Variants in ASAP2 observed in about 807,000 individuals in gnomAD.
ASAP2 encodes the protein arf-GAP with SH3 domain, ANK repeat and PH domain-containing protein 2.
In ASAP2, 45 loss-of-function variants were observed where a neutral mutation model predicts 131.4. The observed-to-expected ratio is 0.34, with a 90% CI of 0.27 to 0.44. The LOEUF is 0.44. Ranked by LOEUF, ASAP2 falls within the 20% of genes least tolerant of loss-of-function variation. The probability of loss-of-function intolerance (pLI) is 1.00; values close to 1 mark genes in which losing one functional copy is unlikely to be tolerated. For synonymous variants in ASAP2, 510 were observed against 503.0 expected, an observed-to-expected ratio of 1.01 and a Z score of -0.19; for missense variants, 1,011 against 1,297.0, an observed-to-expected ratio of 0.78 and a Z score of 3.39.
chr2:9,262,116 T>C (rs192419032), intron 1 of ASAP2, among the ~76,000 whole-genome samples: 1 of 152,288 alleles, frequency 6.6e-6, no homozygotes, highest in Admixed American at 6.5e-5. Context: ...CCTCAGTAGC[T>C]GGGAATGATA....
At chr2:9,298,714 G>A (rs149556484) in intron 3 of ASAP2, among the ~76,000 whole-genome samples, 13 of 152,294 alleles carry the variant, frequency 8.5e-5, no homozygotes, top group African/African-American at 1.9e-4. Context: ...GTAAAGATCC[G>A]TAGATGCTGC....
intron 1 of ASAP2, among the ~76,000 whole-genome samples, chr2:9,273,558 A>G (rs1271102810): frequency 1.3e-5 from 2 of 152,254 alleles, no homozygotes; most frequent in Non-Finnish European, 2.9e-5. Flanking sequence ...TTTTATTATT[A>G]TTCGAATCAG....
At chr2:9,336,734 A>G (rs1671229678) in intron 9 of ASAP2, among the ~76,000 whole-genome samples, 1 of 152,210 alleles carries the variant, frequency 6.6e-6, no homozygotes, top group Non-Finnish European at 1.5e-5. Flanking sequence ...TAAGCAAAAA[A>G]AGGAAAAAAA....
intron 4 of ASAP2, among the ~76,000 whole-genome samples, chr2:9,318,818 T>C (rs189814115): frequency 1.3e-5 from 2 of 152,278 alleles, no homozygotes; most frequent in South Asian, 2.1e-4. Context: ...ACAACAAAGT[T>C]GGTGAGGGGA....
intron 7 of ASAP2, among the ~76,000 whole-genome samples, chr2:9,330,044 C>T (rs896692300): frequency 1.3e-5 from 2 of 152,212 alleles, no homozygotes; most frequent in Non-Finnish European, 2.9e-5. Flanking sequence ...TTTATATCTA[C>T]AGTGTGTGGC....
chr2:9,358,759 C>T lies in ASAP2; in HGVS notation c.1331C>T (p.Pro444Leu). ...TCTGCCCTGTTCTCTTTGGCAGATC[C>T]TACATGGCTTTCCACCAACCTGGGC... The part of the protein sequence containing the change: ...DVCCDCGAPD[P>L]TWLSTNLGIL... Residue 444 changes from proline (P) to leucine (L), a missense_variant, in exon 15 of 28, where the codon CCT (proline) becomes CTT (leucine). Physicochemically the swap from Pro to Leu is moderately conservative, Grantham distance 98 (BLOSUM62 -3). This residue lies in a region of ASAP2 where 359 missense variants were observed against 598.1 expected (regional missense o/e 0.60). Coordinates refer to ENST00000281419, the MANE Select transcript of ASAP2 (RefSeq NM_003887.3). 2.5e-6 allele frequency: 4 copies of T among 1,612,740 alleles called. No homozygotes were observed. Among genetic ancestry groups the T allele is most frequent in the Non-Finnish European group, 3.4e-6 (4 of 1,179,688 alleles).
intron 1 of ASAP2, among the ~76,000 whole-genome samples, chr2:9,259,695 T>C (rs931465751): frequency 2.0e-5 from 3 of 152,190 alleles, no homozygotes; most frequent in African/African-American, 7.2e-5. Flanking sequence ...CACCAGTGGG[T>C]GGACTGCTTT....
At position 9,400,003 on chromosome 2, in the gene ASAP2, C is replaced by A. The variant is rs775772659; in HGVS notation, c.2685-20C>A. The A allele has an allele frequency of 2.5e-5, 41 of 1,612,640 alleles. No individual in the cohort carries two copies. The highest frequency in any genetic ancestry group is 2.4e-5 in the Non-Finnish European group (28 of 1,179,220). On this transcript the variant is annotated intron_variant, in intron 24 of 27. Coordinates refer to ENST00000281419, the MANE Select transcript of ASAP2 (RefSeq NM_003887.3). The stretch of plus-strand genomic sequence containing the variant: ...GTGCCCTCCGGTAGCAGTAAATCTA[C>A]TTTTTCCCTGTCTTTGTAGGGCTGA...
At chr2:9,317,744 ACTCACACT>A (rs1044022036) in intron 3 of ASAP2, among the ~76,000 whole-genome samples, 10 of 150,270 alleles carry the variant, frequency 6.7e-5, no homozygotes, top group African/African-American at 2.5e-4. Context: ...TCACATCCAC[ACTCACACT>A]CACATCCGTA....
intron 2 of ASAP2, among the ~76,000 whole-genome samples, chr2:9,280,893 A>G (rs926923813): frequency 6.6e-6 from 1 of 152,220 alleles, no homozygotes; most frequent in African/African-American, 2.4e-5. Context: ...TATACAAATG[A>G]GTAACCTGCA....
chr2:9,350,949 C>T, intron 12 of ASAP2, 54 bp downstream of exon 12: 1 of 1,328,468 alleles, frequency 7.5e-7, no homozygotes, highest in Non-Finnish European at 1.0e-6. Context: ...ATGCTCTCCT[C>T]TGGGGCGTCC....
intron 15 of ASAP2, among the ~76,000 whole-genome samples, chr2:9,367,420 GCACT>G (rs1673566868): frequency 1.3e-5 from 2 of 152,192 alleles, no homozygotes; most frequent in Non-Finnish European, 2.9e-5. Flanking sequence ...TTTTCTCAAA[GCACT>G]GAGCTTGGTG....
chr2:9,340,844 A>C (rs1051758947), intron 9 of ASAP2, among the ~76,000 whole-genome samples: 1 of 152,214 alleles, frequency 6.6e-6, no homozygotes, highest in African/African-American at 2.4e-5. Flanking sequence ...AGGGCCACAG[A>C]AAAGTTAAGA....
chr2:9,279,147 CT>C (rs1666957374), intron 1 of ASAP2, among the ~76,000 whole-genome samples, 169 bp from the exon 2 acceptor site: 1 of 152,264 alleles, frequency 6.6e-6, no homozygotes, highest in African/African-American at 2.4e-5. Flanking sequence ...ACACTGAGGG[CT>C]TGTCTCCCAG....
intron 1 of ASAP2, among the ~76,000 whole-genome samples, chr2:9,264,784 G>A (rs1665827619): frequency 1.3e-5 from 2 of 151,976 alleles, no homozygotes; most frequent in South Asian, 4.1e-4. Context: ...GTCACATAGG[G>A]TCTCAAGGGG....
intron 7 of ASAP2, among the ~76,000 whole-genome samples, chr2:9,331,910 G>A (rs1005622162): frequency 2.6e-5 from 4 of 152,110 alleles, no homozygotes; most frequent in Non-Finnish European, 4.4e-5. Context: ...GCTCAGCCCC[G>A]GATGCTGCAG....
chr2:9,229,153 C>T (rs1396841961), intron 1 of ASAP2, among the ~76,000 whole-genome samples: 1 of 152,110 alleles, frequency 6.6e-6, no homozygotes, highest in East Asian at 1.9e-4. Flanking sequence ...TGTGGAGCCC[C>T]CCCCGCATCA....
chr2:9,365,757 T>G (rs1373426890), intron 15 of ASAP2, among the ~76,000 whole-genome samples: 2 of 152,204 alleles, frequency 1.3e-5, no homozygotes, highest in Non-Finnish European at 2.9e-5. Context: ...GAACTTCTTT[T>G]CCAGGGCTTC....
At chr2:9,381,966 C>T (rs1418357488) in intron 20 of ASAP2, among the ~76,000 whole-genome samples, 2 of 150,398 alleles carry the variant, frequency 1.3e-5, no homozygotes, top group South Asian at 2.1e-4. Flanking sequence ...TGTACATCCA[C>T]GAGCTCATTT....
Sources: gnomAD v4.1 joint callset for allele counts (sites outside exome capture counted in the v4.1 genomes callset) on GRCh38, gnomAD v4.1.1 for gene constraint, gnomAD v4.1.1 regional missense constraint, MANE v1.5 for transcripts, NCBI Gene and HGNC (gene_info 2026-07-23, HGNC 2026-07-21) for gene names.